Variants in CDK6 observed in about 807,000 individuals in gnomAD.
CDK6 encodes cyclin-dependent kinase 6.
In CDK6, 6 loss-of-function variants were observed where a neutral mutation model predicts 37.1. The observed-to-expected ratio is 0.16, with a 90% CI of 0.09 to 0.32. The LOEUF is 0.32. Ranked by LOEUF, CDK6 falls within the 10% of genes least tolerant of loss-of-function variation. CDK6 has a pLI of 1.00. For synonymous variants in CDK6, 160 were observed against 161.3 expected (o/e 0.99, Z 0.06); for missense variants, 224 against 418.9 (o/e 0.53, Z 4.06).
At chr7:92,784,708 G>GC (rs1213233502) in intron 2 of CDK6, among the ~76,000 whole-genome samples, 1 of 152,152 alleles carries the variant, frequency 6.6e-6, no homozygotes, top group African/African-American at 2.4e-5. Flanking sequence ...ACTAAAGATA[G>GC]CCTTAAACTA....
At chr7:92,817,503 T>A (rs1411342351) in intron 2 of CDK6, among the ~76,000 whole-genome samples, 2 of 151,806 alleles carry the variant, frequency 1.3e-5, no homozygotes, top group Non-Finnish European at 2.9e-5. Flanking sequence ...ACTTCATCAA[T>A]CTGATAAAGG....
chr7:92,627,066 G>T (rs569643546), intron 5 of CDK6, among the ~76,000 whole-genome samples: 2 of 152,024 alleles, frequency 1.3e-5, no homozygotes, highest in South Asian at 4.2e-4. Context: ...CAATCCTAAC[G>T]TCCATCAACT....
At chr7:92,649,017 C>T (rs527430513) in intron 5 of CDK6, among the ~76,000 whole-genome samples, 7 of 151,922 alleles carry the variant, frequency 4.6e-5, no homozygotes, top group African/African-American at 1.7e-4. Flanking sequence ...AAGAACACTT[C>T]CAGGAAATTT....
At chr7:92,676,199 G>A (rs979741448) in intron 4 of CDK6, among the ~76,000 whole-genome samples, 9 of 151,426 alleles carry the variant, frequency 5.9e-5, no homozygotes, top group African/African-American at 2.2e-4. Flanking sequence ...CTACATATTT[G>A]TAGATAAACT....
At chr7:92,710,015 A>G (rs1798051794) in intron 4 of CDK6, among the ~76,000 whole-genome samples, 1 of 152,224 alleles carries the variant, frequency 6.6e-6, no homozygotes, top group Non-Finnish European at 1.5e-5. Flanking sequence ...TGAATATATC[A>G]GTGCGCCTCT....
At chr7:92,657,969 G>C (rs73232029) in intron 5 of CDK6, among the ~76,000 whole-genome samples, 31,958 of 152,116 alleles carry the variant, frequency 0.21, 4,014 homozygotes, top group Middle Eastern at 0.37. Flanking sequence ...TGATTCTCCT[G>C]TTTTGGCCTT....
At chr7:92,686,354 A>C (rs1428458686) in intron 4 of CDK6, among the ~76,000 whole-genome samples, 1 of 151,996 alleles carries the variant, frequency 6.6e-6, no homozygotes, top group African/African-American at 2.4e-5. Flanking sequence ...ATTGCTTATG[A>C]GTGAGAACAT....
At chr7:92,785,603 T>C (rs1347794345) in intron 2 of CDK6, among the ~76,000 whole-genome samples, 3 of 152,212 alleles carry the variant, frequency 2.0e-5, no homozygotes, top group African/African-American at 4.8e-5. Context: ...AGAGGTTTAA[T>C]ACTTTGCCTA....
intron 3 of CDK6, among the ~76,000 whole-genome samples, chr7:92,774,174 C>G (rs1316237010): frequency 6.6e-6 from 1 of 152,096 alleles, no homozygotes; most frequent in Non-Finnish European, 1.5e-5. Flanking sequence ...TATCTGGTTA[C>G]TTAGGCTTCC....
At chr7:92,718,521 C>T (rs1325291257) in intron 4 of CDK6, among the ~76,000 whole-genome samples, 4 of 152,136 alleles carry the variant, frequency 2.6e-5, no homozygotes, top group Admixed American at 2.0e-4. Context: ...ACATTGTTCT[C>T]CGATCTCTGG....
chr7:92,613,227 T>C lies in CDK6; in HGVS notation c.*1913A>G. The C allele has an allele frequency of 4.3e-6, 1 of 233,172 alleles. No individual in the cohort carries two copies. Among genetic ancestry groups the C allele is most frequent in the African/African-American group, 2.2e-5 (1 of 45,350 alleles). 14.4% of individuals were successfully genotyped at this position (233,172 alleles called of 1,614,324 possible). A position where few individuals can be genotyped will look rare whatever the true frequency, so the allele number is the denominator to read the frequency against. On this transcript the variant is annotated 3_prime_UTR_variant, in exon 8 of 8. Coordinates refer to ENST00000424848, the MANE Select transcript of CDK6 (RefSeq NM_001145306.2). The stretch of plus-strand genomic sequence containing the variant: ...AGGAGAAACATCTCCTAGTTTTTTC[T>C]CTTGTTCAAGATAGTCATATATCAC...
chr7:92,801,000 A>G (rs1475791391), intron 2 of CDK6, among the ~76,000 whole-genome samples: 1 of 152,208 alleles, frequency 6.6e-6, no homozygotes, highest in Non-Finnish European at 1.5e-5. Context: ...AACTTCCGAA[A>G]TGATGGATTA....
At chr7:92,764,161 A>C (rs1433071109) in intron 3 of CDK6, among the ~76,000 whole-genome samples, 1 of 149,850 alleles carries the variant, frequency 6.7e-6, no homozygotes, top group Non-Finnish European at 1.5e-5. Flanking sequence ...TTTTGAGGCA[A>C]GGTCTTGTGC....
At chr7:92,823,525 A>G (rs919610604) in intron 2 of CDK6, among the ~76,000 whole-genome samples, 1 of 150,126 alleles carries the variant, frequency 6.7e-6, no homozygotes, top group African/African-American at 2.4e-5. Context: ...CATAATTTGA[A>G]TGTATTTCAT....
At chr7:92,649,585 G>A (rs1311973278) in intron 5 of CDK6, among the ~76,000 whole-genome samples, 1 of 152,176 alleles carries the variant, frequency 6.6e-6, no homozygotes. Context: ...CAATTGATGT[G>A]CTACAATGCC....
intron 4 of CDK6, among the ~76,000 whole-genome samples, chr7:92,681,826 C>T (rs1420462029): frequency 2.0e-5 from 3 of 152,186 alleles, no homozygotes; most frequent in Non-Finnish European, 4.4e-5. Context: ...ACTCCATGTG[C>T]CTGTCCCCAC....
intron 5 of CDK6, among the ~76,000 whole-genome samples, chr7:92,653,322 C>T (rs948448195): frequency 6.6e-6 from 1 of 152,170 alleles, no homozygotes; most frequent in Non-Finnish European, 1.5e-5. Flanking sequence ...TCACAAGCAG[C>T]CCTAAGAATG....
At chr7:92,709,570 A>T (rs1364193770) in intron 4 of CDK6, among the ~76,000 whole-genome samples, 1 of 152,170 alleles carries the variant, frequency 6.6e-6, no homozygotes, top group Non-Finnish European at 1.5e-5. Context: ...ATATATACAT[A>T]TATGTATTTT....
intron 4 of CDK6, among the ~76,000 whole-genome samples, chr7:92,676,154 T>G (rs1797198582): frequency 6.6e-6 from 1 of 152,014 alleles, no homozygotes; most frequent in African/African-American, 2.4e-5. Context: ...ATTTAGCTCA[T>G]TTCTTTTCCA....
Sources: allele counts gnomAD v4.1 joint callset (sites outside exome capture counted in the v4.1 genomes callset), GRCh38; gene constraint gnomAD v4.1.1; transcripts MANE v1.5; gene names NCBI Gene and HGNC (gene_info 2026-07-23, HGNC 2026-07-21).